The following PAPPA2 variants were observed in gnomAD, a reference collection of about 807,000 sequenced individuals.
PAPPA2 encodes pappalysin-2.
A neutral mutation model predicts 176.4 loss-of-function variants in PAPPA2; 86 were observed. That is an observed-to-expected ratio of 0.49 (90% CI 0.41 to 0.58). The LOEUF is 0.58. PAPPA2 is among the 20% of genes least tolerant of loss of function. PAPPA2 has a pLI of 0.00. For missense variants in PAPPA2, 2,073 were observed against 2,256.9 expected, an observed-to-expected ratio of 0.92 and a Z score of 1.65; for synonymous variants, 809 against 852.2, an observed-to-expected ratio of 0.95 and a Z score of 0.88.
intron 1 of PAPPA2, among the ~76,000 whole-genome samples, chr1:176,548,584 G>T (rs377626914): frequency 7.2e-5 from 11 of 152,070 alleles, no homozygotes; most frequent in African/African-American, 2.7e-4. Flanking sequence ...TCATGAAAAG[G>T]CAGTGCAGTA....
intron 1 of PAPPA2, among the ~76,000 whole-genome samples, chr1:176,544,918 T>C (rs576670290): frequency 1.1e-4 from 16 of 152,102 alleles, no homozygotes; most frequent in Non-Finnish European, 1.9e-4. Flanking sequence ...ATGAAAGAAA[T>C]GCATATGGCA....
chr1:176,763,526 T>A (rs1243734493), intron 14 of PAPPA2, among the ~76,000 whole-genome samples: 1 of 152,216 alleles, frequency 6.6e-6, no homozygotes, highest in Non-Finnish European at 1.5e-5. Flanking sequence ...TTGCTCTCTA[T>A]AACATGAACA....
intron 3 of PAPPA2, among the ~76,000 whole-genome samples, chr1:176,615,479 T>A (rs779336357): frequency 1.2e-4 from 18 of 152,024 alleles, no homozygotes; most frequent in Non-Finnish European, 2.4e-4. Flanking sequence ...CCCGGCTAAT[T>A]TTTTTTTCTT....
intron 21 of PAPPA2, among the ~76,000 whole-genome samples, chr1:176,812,972 G>C (rs554359514): frequency 4.9e-4 from 74 of 151,974 alleles, no homozygotes; most frequent in Middle Eastern, 6.8e-3. Context: ...CCCAGTGTGT[G>C]TGTTGTTCCC....
chr1:176,805,152 A>G (rs557354427), intron 21 of PAPPA2, among the ~76,000 whole-genome samples: 1 of 151,794 alleles, frequency 6.6e-6, no homozygotes, highest in Non-Finnish European at 1.5e-5. Context: ...AATTCTACCA[A>G]AGTCCACAAT....
chr1:176,764,758 G>A (rs1199705419), intron 14 of PAPPA2, among the ~76,000 whole-genome samples: 1 of 152,084 alleles, frequency 6.6e-6, no homozygotes. Flanking sequence ...AACCACATCC[G>A]GCTAATTGTT....
chr1:176,726,485 A>G (rs913003264), intron 12 of PAPPA2, among the ~76,000 whole-genome samples: 4 of 152,228 alleles, frequency 2.6e-5, no homozygotes, highest in Admixed American at 2.0e-4. Context: ...ATTAAGTCTT[A>G]GCCTTGGCAA....
At chr1:176,698,791 A>G (rs1660502068) in intron 7 of PAPPA2, among the ~76,000 whole-genome samples, 1 of 152,196 alleles carries the variant, frequency 6.6e-6, no homozygotes, top group African/African-American at 2.4e-5. Flanking sequence ...AGGATTGTTT[A>G]AGGACATGAC....
At chr1:176,634,595 T>C (rs1158690691) in intron 3 of PAPPA2, among the ~76,000 whole-genome samples, 2 of 150,918 alleles carry the variant, frequency 1.3e-5, no homozygotes, top group African/African-American at 4.9e-5. Context: ...ATAATAAAAA[T>C]ATATATATAT....
intron 17 of PAPPA2, among the ~76,000 whole-genome samples, chr1:176,780,312 C>T (rs576009768): frequency 8.1e-6 from 1 of 123,522 alleles, no homozygotes; most frequent in Non-Finnish European, 1.7e-5. Flanking sequence ...AAAGTTCTTA[C>T]AAATGAGATC....
rs1311883118 is a variant in PAPPA2 at position 176,690,533 on chromosome 1, T to C, written c.2431+103T>C. On this transcript the variant is annotated intron_variant, in intron 5 of 22. Coordinates refer to ENST00000367662, the MANE Select transcript of PAPPA2 (RefSeq NM_020318.3). ...AGCTGATGGGAGAATGATTAAGTGG[T>C]CATTTGTGTCGGAGAGTTGAAGTGT... The C allele has an allele frequency of 2.0e-6, 3 of 1,526,010 alleles. No individual in the cohort carries two copies. In the East Asian group the frequency reaches 6.9e-5, roughly 35 times the overall value. 94.5% of individuals were successfully genotyped at this position (1,526,010 alleles called of 1,614,324 possible).
intron 9 of PAPPA2, among the ~76,000 whole-genome samples, chr1:176,704,047 T>G (rs1046870924): frequency 1.3e-5 from 2 of 152,134 alleles, no homozygotes; most frequent in Non-Finnish European, 2.9e-5. Context: ...CACTCTGCCC[T>G]CTGTCCTAGT....
At chr1:176,714,652 C>G (rs896046801) in intron 12 of PAPPA2, among the ~76,000 whole-genome samples, 1 of 152,102 alleles carries the variant, frequency 6.6e-6, no homozygotes, top group Non-Finnish European at 1.5e-5. Flanking sequence ...TAACACATGG[C>G]CAAAAGTAAT....
chr1:176,775,920 GA>G (rs1376146432), intron 17 of PAPPA2, among the ~76,000 whole-genome samples: 1 of 152,078 alleles, frequency 6.6e-6, no homozygotes, highest in Admixed American at 6.6e-5. Flanking sequence ...TTTTATTTTT[GA>G]AGGTAATAGA....
At chr1:176,694,564 A>G (rs1366790652) in intron 6 of PAPPA2, among the ~76,000 whole-genome samples, 1 of 152,230 alleles carries the variant, frequency 6.6e-6, no homozygotes, top group African/African-American at 2.4e-5. Flanking sequence ...ACAAGATGTT[A>G]TTGAGACCCT....
At chr1:176,658,815 G>A (rs910835923) in intron 3 of PAPPA2, among the ~76,000 whole-genome samples, 1 of 151,962 alleles carries the variant, frequency 6.6e-6, no homozygotes, top group Non-Finnish European at 1.5e-5. Flanking sequence ...GGTATCAAGA[G>A]TAAACAGAAG....
chr1:176,788,102 T>C (rs1665023043), intron 17 of PAPPA2, among the ~76,000 whole-genome samples: 1 of 152,160 alleles, frequency 6.6e-6, no homozygotes, highest in African/African-American at 2.4e-5. Context: ...ATTTCATTAG[T>C]ATTATAATGA....
intron 21 of PAPPA2, among the ~76,000 whole-genome samples, chr1:176,830,678 C>T (rs1235031692): frequency 6.6e-6 from 1 of 152,206 alleles, no homozygotes; most frequent in Admixed American, 6.5e-5. Flanking sequence ...AGACCATCTA[C>T]ACCACTCCCA....
At chr1:176,706,238 C>T (rs1044669128) in intron 9 of PAPPA2, 121 bp from the exon 10 acceptor site, 2 of 779,102 alleles carry the variant, frequency 2.6e-6, no homozygotes, top group Non-Finnish European at 4.1e-6. Flanking sequence ...CTAGCTCCTA[C>T]TTTTTTCCAA....
Sources: allele counts gnomAD v4.1 joint callset (sites outside exome capture counted in the v4.1 genomes callset), GRCh38; gene constraint gnomAD v4.1.1; transcripts MANE v1.5; gene names NCBI Gene and HGNC (gene_info 2026-07-23, HGNC 2026-07-21).